Variants in EIF3E observed in about 807,000 individuals in gnomAD.
EIF3E encodes the protein eukaryotic translation initiation factor 3 subunit E, also known as eIF-3 p48.
Under a neutral mutation model 59.3 loss-of-function variants are expected in EIF3E, and 25 were observed. The observed-to-expected ratio is 0.42, with a 90% confidence interval of 0.31 to 0.59. The LOEUF is 0.59. EIF3E is among the 20% of genes least tolerant of loss of function. The pLI is 0.15. For synonymous variants in EIF3E, 176 were observed against 170.2 expected, an observed-to-expected ratio of 1.03 and a Z score of -0.26; for missense variants, 317 against 534.3, an observed-to-expected ratio of 0.59 and a Z score of 4.01.
intron 10 of EIF3E, among the ~76,000 whole-genome samples, chr8:108,209,025 A>G (rs765468436): frequency 3.3e-5 from 5 of 152,186 alleles, no homozygotes; most frequent in Non-Finnish European, 7.4e-5. Context: ...CATTTTTATA[A>G]AGCTGACTAT....
intron 10 of EIF3E, among the ~76,000 whole-genome samples, chr8:108,204,127 C>G (rs1815046224): frequency 6.6e-6 from 1 of 151,920 alleles, no homozygotes; most frequent in Non-Finnish European, 1.5e-5. Flanking sequence ...ATTTTGGCAT[C>G]CAGGAGGGTC....
At chr8:108,210,651 G>C (rs1815189473) in intron 10 of EIF3E, among the ~76,000 whole-genome samples, 1 of 152,054 alleles carries the variant, frequency 6.6e-6, no homozygotes, top group Non-Finnish European at 1.5e-5. Flanking sequence ...CAACGTGCAG[G>C]TTTGTTACAT....
chr8:108,220,893 G>A (rs1034612666), intron 7 of EIF3E, among the ~76,000 whole-genome samples: 4 of 152,168 alleles, frequency 2.6e-5, no homozygotes, highest in Admixed American at 6.5e-5. Flanking sequence ...GTAGTGGTGT[G>A]AGCCTATAGT....
chr8:108,246,456 T>G (rs1185501286), intron 1 of EIF3E, among the ~76,000 whole-genome samples: 1 of 152,182 alleles, frequency 6.6e-6, no homozygotes, highest in Non-Finnish European at 1.5e-5. Context: ...GACATTTATT[T>G]TTACCTTATA....
At chr8:108,246,996 C>G (rs891835634) in intron 1 of EIF3E, among the ~76,000 whole-genome samples, 6 of 152,130 alleles carry the variant, frequency 3.9e-5, no homozygotes. Flanking sequence ...GAGAGCTCAG[C>G]GTTCCTAACC....
intron 7 of EIF3E, among the ~76,000 whole-genome samples, chr8:108,217,852 T>G (rs1563630306): frequency 6.6e-6 from 1 of 152,208 alleles, no homozygotes; most frequent in Admixed American, 6.5e-5. Flanking sequence ...GCACTCATAC[T>G]AATGAGAAAA....
chr8:108,245,334 T>C (rs1191345678), intron 1 of EIF3E, among the ~76,000 whole-genome samples: 1 of 152,082 alleles, frequency 6.6e-6, no homozygotes, highest in Non-Finnish European at 1.5e-5. Context: ...CCGGACATGG[T>C]GGCGCACACC....
chr8:108,246,968 T>A (rs1331297306), intron 1 of EIF3E, among the ~76,000 whole-genome samples: 1 of 152,200 alleles, frequency 6.6e-6, no homozygotes, highest in Admixed American at 6.5e-5. Context: ...TCAAAACTTA[T>A]AACGGATTTT....
chr8:108,231,044 G>T (rs192299404), intron 5 of EIF3E, among the ~76,000 whole-genome samples: 22 of 152,160 alleles, frequency 1.4e-4, no homozygotes, highest in Admixed American at 3.9e-4. Context: ...AGAACAAAAA[G>T]GGTCTTTCTG....
chr8:108,245,226 C>A (rs750275864), intron 1 of EIF3E, among the ~76,000 whole-genome samples: 14 of 151,594 alleles, frequency 9.2e-5, no homozygotes, highest in African/African-American at 1.2e-4. Context: ...CAGCACTTTG[C>A]GAGGCCAAGG....
At chr8:108,223,407 A>T (rs965147191) in intron 7 of EIF3E, among the ~76,000 whole-genome samples, 3 of 152,224 alleles carry the variant, frequency 2.0e-5, no homozygotes, top group Admixed American at 2.0e-4. Flanking sequence ...TATCTGCACG[A>T]CAAAGAGTTT....
chr8:108,240,238 G>A (rs546272481), intron 2 of EIF3E, 163 bp from the exon 3 acceptor site: 10 of 653,250 alleles, frequency 1.5e-5, no homozygotes, highest in African/African-American at 3.7e-5. Context: ...AAATGTCCCC[G>A]ATCCCTAATT....
At chr8:108,228,512 G>T in intron 6 of EIF3E, 121 bp from the exon 7 acceptor site, 1 of 727,434 alleles carries the variant, frequency 1.4e-6, no homozygotes, top group Non-Finnish European at 2.0e-6. Context: ...CATGCACGGA[G>T]GTCATTATGA....
At chr8:108,209,340 CATTTG>C (rs1166075543) in intron 10 of EIF3E, among the ~76,000 whole-genome samples, 5 of 152,004 alleles carry the variant, frequency 3.3e-5, no homozygotes, top group Admixed American at 2.0e-4. Flanking sequence ...AAAGATATTT[CATTTG>C]GAGAGTTATC....
intron 10 of EIF3E, among the ~76,000 whole-genome samples, chr8:108,210,770 C>T (rs201799094): frequency 5.3e-5 from 8 of 151,860 alleles, no homozygotes; most frequent in African/African-American, 7.3e-5. Context: ...CGACAGGCCC[C>T]GGTGTGTGAT....
At chr8:108,228,209 A>G (rs567480965) in intron 7 of EIF3E, 58 bp downstream of exon 7, 1 of 1,479,594 alleles carries the variant, frequency 6.8e-7, no homozygotes, top group South Asian at 1.4e-5. Context: ...TTTAAGTTTA[A>G]ACAACTCCAT....
At chr8:108,208,860 TA>T (rs1406265815) in intron 10 of EIF3E, among the ~76,000 whole-genome samples, 1 of 152,070 alleles carries the variant, frequency 6.6e-6, no homozygotes, top group Admixed American at 6.5e-5. Context: ...TTCAGACACA[TA>T]CCATAGCTGA....
intron 7 of EIF3E, among the ~76,000 whole-genome samples, chr8:108,219,797 C>A (rs1335752031): frequency 6.6e-6 from 1 of 151,922 alleles, no homozygotes; most frequent in Non-Finnish European, 1.5e-5. Flanking sequence ...TGCACCACTG[C>A]ACTTCCAACC....
At position 108,232,584 on chromosome 8, in the gene EIF3E, T is replaced by C. The variant is rs947178680; in HGVS notation, c.471+2414A>G. Among the ~76,000 whole-genome samples the C allele has an allele frequency of 5.9e-5, 9 of 152,256 alleles. No homozygotes were observed. In the South Asian group the frequency reaches 1.2e-3, roughly 21 times the overall value. ...TACAAACCTGTCACTTGTAGAAATTTTCAGACTAATATAAAACCATACTAC... is the reference window on the plus strand; with the variant it reads ...TACAAACCTGTCACTTGTAGAAATTCTCAGACTAATATAAAACCATACTAC... On this transcript the variant is annotated intron_variant, in intron 5 of 12. Transcript: ENST00000220849.
Sources: allele counts gnomAD v4.1 joint callset (sites outside exome capture counted in the v4.1 genomes callset), GRCh38; gene constraint gnomAD v4.1.1; transcripts MANE v1.5; gene names NCBI Gene and HGNC (gene_info 2026-07-23, HGNC 2026-07-21).